ARSA: variants seen among roughly 807,000 people sequenced by gnomAD.
The protein encoded by ARSA is cerebroside-sulfatase.
A neutral mutation model predicts 37.8 loss-of-function variants in ARSA; 32 were observed. That is an observed-to-expected ratio of 0.85 (90% CI 0.64 to 1.14). The LOEUF (loss-of-function observed/expected upper bound fraction) is 1.14, where lower values mean the gene tolerates loss of function less well. ARSA is among the 50% of genes most tolerant of loss of function. The pLI, the probability that ARSA is intolerant of heterozygous loss-of-function variation, is 0.00. For synonymous variants in ARSA, 303 were observed against 303.4 expected (o/e 1.00, Z 0.01); for missense variants, 685 against 686.3 (o/e 1.00, Z 0.02).
chr22:50,624,272 T>C lies in ARSA; in HGVS notation c.*873A>G, dbSNP rs1476468552. 3.3e-5 allele frequency among the ~76,000 whole-genome samples: 5 copies of C among 152,162 alleles called. No homozygotes were observed. Among genetic ancestry groups the C allele is most frequent in the Non-Finnish European group, 7.3e-5 (5 of 68,030 alleles). ...TTTTAGTAGAGATGGGGTTTCTCCA[T>C]GTTGGTCAGGCTGGTCTCGAACTCC... On this transcript the variant is annotated 3_prime_UTR_variant, in exon 8 of 8. Transcript: ENST00000216124.
rs1170893055 is a variant in ARSA, at chr22:50,623,921, A to C, written c.*1224T>G. On this transcript the variant is annotated 3_prime_UTR_variant, in exon 8 of 8. Coordinates refer to ENST00000216124, the MANE Select transcript of ARSA (RefSeq NM_000487.6). ...CTCAAAAAAAAAAAAAAAAAAAAAA[A>C]AAAAAAAAAAAAAAAAACAAAAACA... 7.0e-4 allele frequency: 5 copies of C among 7,174 alleles called. No homozygotes were observed. Among genetic ancestry groups the C allele is most frequent in the African/African-American group, 1.8e-3 (4 of 2,194 alleles). 0.4% of individuals were successfully genotyped at this position (7,174 alleles called of 1,614,324 possible).
rs534778672 is a variant in ARSA, at chr22:50,625,023, A to C, written c.*122T>G. ...TTACCCCAGGATTGGACGAATTGTC[A>C]CATCTGCAAGTCTCCACTGGTGTTA... On this transcript the variant is annotated 3_prime_UTR_variant, in exon 8 of 8. Transcript: ENST00000216124. 46 of 1,193,940 alleles carry C rather than the reference A, an allele frequency of 3.9e-5. No homozygotes were observed. The Admixed American group carries it at 1.3e-3, about 35-fold the overall frequency. 74.0% of individuals were successfully genotyped at this position (1,193,940 alleles called of 1,614,324 possible). A position where few individuals can be genotyped will look rare whatever the true frequency, so the allele number is the denominator to read the frequency against.
rs1281428758 is a variant in ARSA at position 50,627,820 on chromosome 22, G to C, written c.-41C>G. 3 of 1,509,738 alleles carry C rather than the reference G, an allele frequency of 2.0e-6. No homozygotes were observed. Among genetic ancestry groups the C allele is most frequent in the East Asian group, 4.9e-5 (2 of 40,542 alleles). 93.5% of individuals were successfully genotyped at this position (1,509,738 alleles called of 1,614,324 possible). ...GTCCCAAGAGAGGGAGGGCTACTTG[G>C]CTCCAGCAGGCTCTTTCCGATACCG... is the stretch of plus-strand genomic sequence containing the variant. On this transcript the variant is annotated 5_prime_UTR_variant, in exon 1 of 8. Transcript: ENST00000216124.
chr22:50,627,425 A>G lies in ARSA; in HGVS notation c.225-19T>C. On this transcript the variant is annotated intron_variant, in intron 1 of 7. Coordinates refer to ENST00000216124, the MANE Select transcript of ARSA (RefSeq NM_000487.6). ...GGCGGCCCTGCGGGACAAGTCACAG[A>G]GTCCCTGAGACAGACAGAAATGTGG... 6.2e-7 allele frequency: 1 copy of G among 1,608,190 alleles called. No individual in the cohort carries two copies. The highest frequency in any genetic ancestry group is 1.7e-4 in the Middle Eastern group (1 of 5,932).
rs542689643 is a variant in ARSA, at chr22:50,627,070, C to T, written c.466-18G>A. 1.1e-5 allele frequency: 18 copies of T among 1,599,920 alleles called. No homozygotes were observed. The Middle Eastern group carries it at 6.7e-4, about 59-fold the overall frequency. ...CAGGGGCCCTGAGGCGGGCAGCTGCCGTGAGGGCTGGGCTGGCAGGTGGGG... is the reference window on the plus strand; with the variant it reads ...CAGGGGCCCTGAGGCGGGCAGCTGCTGTGAGGGCTGGGCTGGCAGGTGGGG... On this transcript the variant is annotated intron_variant, in intron 2 of 7. Transcript: ENST00000216124.
intron 4 of ARSA, 73 bp downstream of exon 4, chr22:50,626,518 C>A: frequency 1.3e-6 from 2 of 1,596,774 alleles, no homozygotes; most frequent in Non-Finnish European, 1.7e-6. Flanking sequence ...TCTTGGCAAG[C>A]AGCTGAACTG....
Position 50,623,898 on chromosome 22 carries a change from C to CAAAAAAAAAAAAAAAAAAAAA in ARSA, c.*1226_*1246dup, listed in dbSNP as rs131716. ...TGGGCGACAGAGCGAGACTCCGTCT[C>CAAAAAAAAAAAAAAAAAAAAA]AAAAAAAAAAAAAAAAAAAAAAAAA... On this transcript the variant is annotated 3_prime_UTR_variant, in exon 8 of 8. Transcript: ENST00000216124. 4 of 141,750 alleles carry CAAAAAAAAAAAAAAAAAAAAA rather than the reference C, an allele frequency of 2.8e-5. No homozygotes were observed. Among genetic ancestry groups the CAAAAAAAAAAAAAAAAAAAAA allele is most frequent in the Admixed American group, 7.0e-5 (1 of 14,204 alleles). 8.8% of individuals were successfully genotyped at this position (141,750 alleles called of 1,614,324 possible).
chr22:50,627,815 A>G lies in ARSA; in HGVS notation c.-36T>C, dbSNP rs2082703718. ...GGTCTGTCCCAAGAGAGGGAGGGCT[A>G]CTTGGCTCCAGCAGGCTCTTTCCGA... On this transcript the variant is annotated 5_prime_UTR_variant, in exon 1 of 8. Coordinates refer to ENST00000216124, the MANE Select transcript of ARSA (RefSeq NM_000487.6). 2 of 1,520,274 alleles carry G rather than the reference A, an allele frequency of 1.3e-6. No individual in the cohort carries two copies. Among genetic ancestry groups the G allele is most frequent in the Non-Finnish European group, 1.8e-6 (2 of 1,133,248 alleles). The allele number at this position is 1,520,274 out of a possible 1,614,324, so 94.2% of individuals were successfully genotyped here. A position where few individuals can be genotyped will look rare whatever the true frequency, so the allele number is the denominator to read the frequency against.
chr22:50,623,494 C>T lies in ARSA; in HGVS notation c.*1651G>A, dbSNP rs559335241. Among the ~76,000 whole-genome samples, 43 of 152,302 alleles carry T rather than the reference C, an allele frequency of 2.8e-4. 1 individual carries two copies. The South Asian group carries it at 8.3e-3, about 29-fold the overall frequency. On this transcript the variant is annotated 3_prime_UTR_variant, in exon 8 of 8. Coordinates refer to ENST00000216124, the MANE Select transcript of ARSA (RefSeq NM_000487.6). ...TCACTCTGTCCCCGAGGCTGGAGTG[C>T]AGTGGTACAATTATAGCTCACTACA...
Position 50,626,597 on chromosome 22 carries a change from T to A in ARSA, c.848A>T (p.Asp283Val). The change falls in exon 4 of 8, where the codon GAC (aspartate) becomes GTC (valine). Residue 283 changes from aspartate (D) to valine (V), a missense_variant. Transcript: ENST00000216124. ...AGCTGCCCTGCTGGCATACCCATTG[T>A]CTGCAGTGAAGATGACCAGCGTCTC... ...LEETLVIFTADNGPETMRMSR... is the reference protein window; with the variant it reads ...LEETLVIFTAVNGPETMRMSR... 2 of 1,613,280 alleles carry A rather than the reference T, an allele frequency of 1.2e-6. No homozygotes were observed. Among genetic ancestry groups the A allele is most frequent in the Non-Finnish European group, 1.7e-6 (2 of 1,180,022 alleles).
At position 50,627,060 on chromosome 22, in the gene ARSA, G is replaced by T; in HGVS notation, c.466-8C>A. 1 of 1,601,956 alleles carries T rather than the reference G, an allele frequency of 6.2e-7. No individual in the cohort carries two copies. ...CAGGTTCTGGCAGGGGCCCTGAGGCGGGCAGCTGCCGTGAGGGCTGGGCTG... is the reference window on the plus strand; with the variant it reads ...CAGGTTCTGGCAGGGGCCCTGAGGCTGGCAGCTGCCGTGAGGGCTGGGCTG... On this transcript the variant is annotated splice_region_variant and splice_polypyrimidine_tract_variant and intron_variant, in intron 2 of 7. Transcript: ENST00000216124.
At position 50,627,767 on chromosome 22, in the gene ARSA, C is replaced by A; in HGVS notation, c.13G>T (p.Ala5Ser). Residue 5 changes from alanine (A) to serine (S), a missense_variant, in exon 1 of 8, where the codon GCA (alanine) becomes TCA (serine). Coordinates refer to ENST00000216124, the MANE Select transcript of ARSA (RefSeq NM_000487.6). Reference protein sequence around the residue: MSMGAPRSLLLALAA... With the variant: MSMGSPRSLLLALAA... Reference sequence around the variant, plus strand: ...AGGGCCAGGAGGAGGGACCGCGGTGCCCCCATGGACATGGGACCGAGGGGT... The same window carrying A: ...AGGGCCAGGAGGAGGGACCGCGGTGACCCCATGGACATGGGACCGAGGGGT... 2 of 1,545,790 alleles carry A rather than the reference C, an allele frequency of 1.3e-6. No individual in the cohort carries two copies. Among genetic ancestry groups the A allele is most frequent in the South Asian group, 1.2e-5 (1 of 83,994 alleles).
Position 50,627,421 on chromosome 22 carries a change from A to G in ARSA, c.225-15T>C, listed in dbSNP as rs1331887714. On this transcript the variant is annotated splice_polypyrimidine_tract_variant and intron_variant, in intron 1 of 7. Coordinates refer to ENST00000216124, the MANE Select transcript of ARSA (RefSeq NM_000487.6). ...GGAGGGCGGCCCTGCGGGACAAGTC[A>G]CAGAGTCCCTGAGACAGACAGAAAT... 6.2e-7 allele frequency: 1 copy of G among 1,608,364 alleles called. No individual in the cohort carries two copies. The highest frequency in any genetic ancestry group is 1.7e-5 in the Admixed American group (1 of 59,806).
chr22:50,625,182 C>A lies in ARSA; in HGVS notation c.1493G>T (p.Arg498Leu), dbSNP rs6151428. 34 of 1,594,594 alleles carry A rather than the reference C, an allele frequency of 2.1e-5. No individual in the cohort carries two copies. In the East Asian group the frequency reaches 5.4e-4, roughly 25 times the overall value. Residue 498 changes from arginine to leucine, a missense_variant, in exon 8 of 8, where the codon CGC becomes CTC. Transcript: ENST00000216124. ...ATCTGGGCAATGGCAGCAAGCTGGG[C>A]GGGGGGTGCAGCCAGGATGACAGCA... ...QICCHPGCTP[R>L]PACCHCPDPH...
At position 50,624,917 on chromosome 22, in the gene ARSA, G is replaced by C. The variant is rs1250575884; in HGVS notation, c.*228C>G. On this transcript the variant is annotated 3_prime_UTR_variant, in exon 8 of 8. Coordinates refer to ENST00000216124, the MANE Select transcript of ARSA (RefSeq NM_000487.6). The stretch of plus-strand genomic sequence containing the variant: ...CCCAGCCCAACCTCTTTCTGGCTGG[G>C]TGATCTTGTACAAGTCCTGAACCTC... The C allele has an allele frequency of 3.5e-6, 2 of 563,524 alleles. No homozygotes were observed. Among genetic ancestry groups the C allele is most frequent in the African/African-American group, 3.8e-5 (2 of 52,972 alleles). 34.9% of individuals were successfully genotyped at this position (563,524 alleles called of 1,614,324 possible).
Position 50,624,631 on chromosome 22 carries a change from G to A in ARSA, c.*514C>T, listed in dbSNP as rs2082633343. Among the ~76,000 whole-genome samples, 1 of 152,184 alleles carries A rather than the reference G, an allele frequency of 6.6e-6. No homozygotes were observed. Among genetic ancestry groups the A allele is most frequent in the South Asian group, 2.1e-4 (1 of 4,834 alleles). ...ACAGGTTTCTTATAAGAACCAAGGAGGTCCAGTGCCTGTGTCTCTAAGAAT... is the reference window on the plus strand; with the variant it reads ...ACAGGTTTCTTATAAGAACCAAGGAAGTCCAGTGCCTGTGTCTCTAAGAAT... On this transcript the variant is annotated 3_prime_UTR_variant, in exon 8 of 8. Coordinates refer to ENST00000216124, the MANE Select transcript of ARSA (RefSeq NM_000487.6).
intron 7 of ARSA, 50 bp from the exon 8 acceptor site, chr22:50,625,514 C>T (rs2082649314): frequency 1.9e-6 from 3 of 1,607,412 alleles, no homozygotes; most frequent in African/African-American, 2.7e-5. Flanking sequence ...GAGGAGGGGC[C>T]AGGGATCTAG....
rs752949477 is a variant in ARSA, at chr22:50,627,665, C to T, written c.115G>A (p.Gly39Ser). Residue 39 changes from glycine to serine, a missense_variant, in exon 1 of 8, where the codon GGC becomes AGC. Coordinates refer to ENST00000216124, the MANE Select transcript of ARSA (RefSeq NM_000487.6). ...FADDLGYGDL[G>S]CYGHPSSTTP... ...GTAGAGCTGGGGTGCCCATAGCAGC[C>T]CAGGTCCCCATAGCCGAGGTCGTCG... 9 of 1,558,634 alleles carry T rather than the reference C, an allele frequency of 5.8e-6. No homozygotes were observed. The highest frequency in any genetic ancestry group is 7.0e-6 in the Non-Finnish European group (8 of 1,150,944).
chr22:50,625,989 T>G lies in ARSA; in HGVS notation c.1054A>C (p.Asn352His), dbSNP rs1371875285. 2 of 1,576,910 alleles carry G rather than the reference T, an allele frequency of 1.3e-6. No individual in the cohort carries two copies. Among genetic ancestry groups the G allele is most frequent in the South Asian group, 1.2e-5 (1 of 86,148 alleles). Reference sequence around the variant, plus strand: ...AGGTCAAAGCCATCCAAGGTGACATTGGGCAGTGGGGCCCCAGCCAGGGCT... The same window carrying G: ...AGGTCAAAGCCATCCAAGGTGACATGGGGCAGTGGGGCCCCAGCCAGGGCT... ...LAALAGAPLP[N>H]VTLDGFDLSP... Residue 352 changes from asparagine to histidine, a missense_variant, in exon 6 of 8, where the codon AAT (asparagine) becomes CAT (histidine). By Grantham distance (68) the Asn-to-His change is moderately conservative. Transcript: ENST00000216124.
Sources: gnomAD v4.1 joint callset for allele counts (sites outside exome capture counted in the v4.1 genomes callset) on GRCh38, gnomAD v4.1.1 for gene constraint, MANE v1.5 for transcripts, NCBI Gene and HGNC (gene_info 2026-07-23, HGNC 2026-07-21) for gene names.